The following XPNPEP3 variants were observed in gnomAD, a reference collection of about 807,000 sequenced individuals.
XPNPEP3 encodes X-prolyl aminopeptidase 3.
A neutral mutation model predicts 60.0 loss-of-function variants in XPNPEP3; 41 were observed. The ratio of observed to expected loss-of-function variants is 0.68; its 90% CI spans 0.53 to 0.89. The LOEUF (loss-of-function observed/expected upper bound fraction) is 0.89. Among genes scored for constraint, XPNPEP3 ranks in the 40% least tolerant of loss-of-function variants. The probability of loss-of-function intolerance (pLI) is 0.00; values close to 1 mark genes in which losing one functional copy is unlikely to be tolerated. For synonymous variants in XPNPEP3, 212 were observed against 223.2 expected, an observed-to-expected ratio of 0.95 and a Z score of 0.45; for missense variants, 598 against 638.9, an observed-to-expected ratio of 0.94 and a Z score of 0.69.
At chr22:40,913,342 G>A (rs775441944) in intron 6 of XPNPEP3, among the ~76,000 whole-genome samples, 9 of 151,496 alleles carry the variant, frequency 5.9e-5, no homozygotes, top group Non-Finnish European at 1.3e-4. Flanking sequence ...AGAGGCTGAG[G>A]CAGGAGAATC....
intron 1 of XPNPEP3, among the ~76,000 whole-genome samples, chr22:40,868,041 A>G (rs1305012924): frequency 3.3e-5 from 5 of 152,046 alleles, no homozygotes; most frequent in East Asian, 1.9e-4. Flanking sequence ...CACCTCCACT[A>G]GACTGTGCAT....
At chr22:40,917,119 T>C (rs573501676) in intron 7 of XPNPEP3, 1 of 152,422 alleles carries the variant, frequency 6.6e-6, no homozygotes, top group East Asian at 1.9e-4. Flanking sequence ...TGACCAAGCA[T>C]AGTGGCATGC....
intron 2 of XPNPEP3, among the ~76,000 whole-genome samples, chr22:40,876,731 A>G (rs1365525505): frequency 1.3e-5 from 2 of 152,242 alleles, no homozygotes; most frequent in East Asian, 3.8e-4. Context: ...ACTTTCAACC[A>G]CAAAACAGTG....
Position 40,900,114 on chromosome 22 carries a change from G to A in XPNPEP3, c.793-7473G>A, listed in dbSNP as rs112863498. Among the ~76,000 whole-genome samples the A allele has an allele frequency of 1.0e-3, 155 of 151,924 alleles. 3 individuals carry two copies. Among genetic ancestry groups the A allele is most frequent in the African/African-American group, 3.6e-3 (151 of 41,434 alleles). Reference sequence around the variant, plus strand: ...AAATGGATCAGTGACCTAAACTTAAGAGCTCAAATTATAAAACTATTAGGA... The same window carrying A: ...AAATGGATCAGTGACCTAAACTTAAAAGCTCAAATTATAAAACTATTAGGA... On this transcript the variant is annotated intron_variant, in intron 4 of 9. Coordinates refer to ENST00000357137, the MANE Select transcript of XPNPEP3 (RefSeq NM_022098.4).
At chr22:40,860,655 C>A (rs1346902075) in intron 1 of XPNPEP3, 1 of 1,289,068 alleles carries the variant, frequency 7.8e-7, no homozygotes, top group Non-Finnish European at 1.0e-6. Context: ...TTTCCAAATT[C>A]CTTTTTTTTT....
chr22:40,890,926 A>G (rs983613749), intron 4 of XPNPEP3, among the ~76,000 whole-genome samples: 3 of 152,162 alleles, frequency 2.0e-5, no homozygotes, highest in Admixed American at 1.3e-4. Context: ...GTCCCTCCCT[A>G]TGCAATTTAC....
At chr22:40,886,255 A>G (rs2058068108) in intron 3 of XPNPEP3, 58 bp from the exon 4 acceptor site, 2 of 1,551,510 alleles carry the variant, frequency 1.3e-6, no homozygotes, top group African/African-American at 2.7e-5. Flanking sequence ...ATGACAGTTG[A>G]TATTTCTTGT....
At chr22:40,857,796 G>C (rs1179305631) in intron 1 of XPNPEP3, among the ~76,000 whole-genome samples, 1 of 152,220 alleles carries the variant, frequency 6.6e-6, no homozygotes. Flanking sequence ...TGAACATAAA[G>C]CTTAATCAGT....
rs2058220402 is a variant in XPNPEP3, at chr22:40,922,501, T to C, written c.1224T>C (p.Asn408=). 6.2e-7 allele frequency: 1 copy of C among 1,613,864 alleles called. No homozygotes were observed. The highest frequency in any genetic ancestry group is 1.1e-5 in the South Asian group (1 of 91,076). The change falls in exon 8 of 10, where the codon AAT becomes AAC. Residue 408 remains asparagine (N), a synonymous_variant. Coordinates refer to ENST00000357137, the MANE Select transcript of XPNPEP3 (RefSeq NM_022098.4). ...GGATCATGAAGAACATTAAGGAAAA[T>C]AATGCCTTCAAGGTACTTCACTTCT... The part of the protein sequence containing the change: ...DLGIMKNIKE[N]NAFKAARKYC...
chr22:40,912,142 A>G (rs936797290), intron 6 of XPNPEP3, among the ~76,000 whole-genome samples: 20 of 152,312 alleles, frequency 1.3e-4, no homozygotes, highest in East Asian at 1.2e-3. Flanking sequence ...AAATGAATTT[A>G]ATAAATATTA....
intron 2 of XPNPEP3, among the ~76,000 whole-genome samples, chr22:40,870,867 C>G (rs943895813): frequency 4.0e-5 from 6 of 151,420 alleles, no homozygotes; most frequent in African/African-American, 1.5e-4. Context: ...AAAAATACCC[C>G]CCAAAAAAAA....
rs76996202 is a variant in XPNPEP3 at position 40,906,067 on chromosome 22, A to G, written c.793-1520A>G. On this transcript the variant is annotated intron_variant, in intron 4 of 9. Transcript: ENST00000357137. Reference sequence around the variant, plus strand: ...CAGCCTCCCAAAGTGCTGAGATTACAGGCTTGAGCCAACGCACCCAGCCTG... The same window carrying G: ...CAGCCTCCCAAAGTGCTGAGATTACGGGCTTGAGCCAACGCACCCAGCCTG... 6.1e-3 allele frequency among the ~76,000 whole-genome samples: 929 copies of G among 152,126 alleles called. 72 individuals carry two copies. The East Asian group carries it at 0.15, about 24-fold the overall frequency.
At chr22:40,874,378 T>TA in intron 2 of XPNPEP3, among the ~76,000 whole-genome samples, 1 of 152,280 alleles carries the variant, frequency 6.6e-6, no homozygotes, top group Non-Finnish European at 1.5e-5. Context: ...ACTCTATAAA[T>TA]AGAGTTGTTG....
At chr22:40,859,170 A>G (rs1358131995) in intron 1 of XPNPEP3, among the ~76,000 whole-genome samples, 1 of 152,220 alleles carries the variant, frequency 6.6e-6, no homozygotes, top group East Asian at 1.9e-4. Flanking sequence ...TATCCCTGGA[A>G]CAGATTTTGG....
chr22:40,860,895 A>G (rs2057939963), intron 1 of XPNPEP3: 1 of 691,044 alleles, frequency 1.4e-6, no homozygotes, highest in Non-Finnish European at 2.3e-6. Flanking sequence ...GTCACCACAA[A>G]CTCATCCTTT....
intron 1 of XPNPEP3, among the ~76,000 whole-genome samples, chr22:40,863,012 A>G (rs192880848): frequency 6.6e-6 from 1 of 152,348 alleles, no homozygotes; most frequent in East Asian, 1.9e-4. Context: ...AGATGACATT[A>G]TTGCTGAGAC....
At chr22:40,899,134 A>G (rs574943335) in intron 4 of XPNPEP3, among the ~76,000 whole-genome samples, 5 of 152,172 alleles carry the variant, frequency 3.3e-5, no homozygotes, top group Non-Finnish European at 4.4e-5. Flanking sequence ...TTCACTGAAT[A>G]GCCCCTTATG....
chr22:40,907,277 C>T (rs942736095), intron 4 of XPNPEP3: 4 of 421,158 alleles, frequency 9.5e-6, no homozygotes, highest in African/African-American at 4.1e-5. Flanking sequence ...AAAAATTAGC[C>T]GGGTGTGGTG....
intron 4 of XPNPEP3, among the ~76,000 whole-genome samples, chr22:40,887,619 A>G (rs2058074312): frequency 6.6e-6 from 1 of 152,152 alleles, no homozygotes; most frequent in Non-Finnish European, 1.5e-5. Flanking sequence ...ATTTAACCTT[A>G]ACTACCTCCT....
Sources: gnomAD v4.1 joint callset for allele counts (sites outside exome capture counted in the v4.1 genomes callset) on GRCh38, gnomAD v4.1.1 for gene constraint, MANE v1.5 for transcripts, NCBI Gene and HGNC (gene_info 2026-07-23, HGNC 2026-07-21) for gene names.